Variants in SMARCAD1 observed in about 807,000 individuals in gnomAD.
SMARCAD1 encodes the protein SWI/SNF-related matrix-associated actin-dependent regulator of chromatin subfamily A containing DEAD/H box 1.
Under a neutral mutation model 127.1 loss-of-function variants are expected in SMARCAD1, and 25 were observed. The ratio of observed to expected loss-of-function variants is 0.20; its 90% CI spans 0.14 to 0.27. SMARCAD1 has a LOEUF of 0.27. SMARCAD1 is among the 10% of genes least tolerant of loss of function. SMARCAD1 has a pLI of 1.00. For missense variants in SMARCAD1, 807 were observed against 1,206.0 expected, an observed-to-expected ratio of 0.67 and a Z score of 4.90; for synonymous variants, 400 against 396.9, an observed-to-expected ratio of 1.01 and a Z score of -0.09.
At chr4:94,258,610 G>A (rs1283300506) in intron 9 of SMARCAD1, among the ~76,000 whole-genome samples, 1 of 152,132 alleles carries the variant, frequency 6.6e-6, no homozygotes, top group Non-Finnish European at 1.5e-5. Flanking sequence ...TTCAGTGCAT[G>A]CCACTTTTTT....
At chr4:94,259,183 A>G (rs750940841) in intron 9 of SMARCAD1, among the ~76,000 whole-genome samples, 17 of 152,222 alleles carry the variant, frequency 1.1e-4, no homozygotes, top group Non-Finnish European at 2.2e-4. Flanking sequence ...TAGAAGGGTC[A>G]ATATGATGGT....
rs547107106 is a variant in SMARCAD1 at position 94,255,643 on chromosome 4, C to T, written c.1281+2636C>T. Among the ~76,000 whole-genome samples, 6 of 151,814 alleles carry T rather than the reference C, an allele frequency of 4.0e-5. No homozygotes were observed. The South Asian group carries it at 1.0e-3, about 26-fold the overall frequency. On this transcript the variant is annotated intron_variant, in intron 9 of 23. Coordinates refer to ENST00000354268, the MANE Select transcript of SMARCAD1 (RefSeq NM_020159.5). ...ATTTCAGTAAGTTTAGAGGTTACTA[C>T]CTTTCTATACTACTATGACTTATTT... is the stretch of plus-strand genomic sequence containing the variant.
chr4:94,234,031 A>G lies in SMARCAD1; in HGVS notation c.446A>G (p.Glu149Gly). 6.2e-7 allele frequency: 1 copy of G among 1,613,802 alleles called. No individual in the cohort carries two copies. The highest frequency in any genetic ancestry group is 8.5e-7 in the Non-Finnish European group (1 of 1,179,830). The change falls in exon 4 of 24, where the codon GAA becomes GGA. Residue 149 changes from glutamate to glycine, a missense_variant. By Grantham distance (98) the Glu-to-Gly change is moderately conservative. Around this residue, in one of 8 missense-constraint regions of SMARCAD1, gnomAD observed 48 missense variants for 90.8 expected, o/e 0.53. Coordinates refer to ENST00000354268, the MANE Select transcript of SMARCAD1 (RefSeq NM_020159.5). The stretch of plus-strand genomic sequence containing the variant: ...AGAAATGATGATATTTCAGAACTGG[A>G]AGACCTTTCGGAATTGGAAGACCTT... ...ARRNDDISEL[E>G]DLSELEDLKD... is the part of the protein sequence containing the mutation.
intron 2 of SMARCAD1, among the ~76,000 whole-genome samples, chr4:94,218,535 C>T (rs1400724547): frequency 6.6e-6 from 1 of 151,300 alleles, no homozygotes; most frequent in African/African-American, 2.4e-5. Flanking sequence ...TCAAGTGATC[C>T]ACCTGCCTTG....
chr4:94,236,350 C>T (rs1029805062), intron 4 of SMARCAD1, among the ~76,000 whole-genome samples: 1 of 151,956 alleles, frequency 6.6e-6, no homozygotes, highest in Admixed American at 6.6e-5. Flanking sequence ...AGTATAAAAA[C>T]AGTATATTAG....
In SMARCAD1 at chr4:94,208,349, G is replaced by A. The variant is rs1418676433; in HGVS notation, c.-46G>A. ...TCTCTTTATTTTTCCCCTGCAGATA[G>A]TTCATTTAAAGCCCCCATCCCTGCA... On this transcript the variant is annotated 5_prime_UTR_variant, in exon 2 of 24. The change abolishes the stop of an existing upstream ORF in the 5' untranslated region. Transcript: ENST00000354268. The A allele has an allele frequency of 1.3e-6, 2 of 1,587,020 alleles. No individual in the cohort carries two copies. The highest frequency in any genetic ancestry group is 1.3e-5 in the African/African-American group (1 of 74,210).
chr4:94,242,639 T>C (rs1390174948), intron 6 of SMARCAD1, among the ~76,000 whole-genome samples: 1 of 151,700 alleles, frequency 6.6e-6, no homozygotes, highest in African/African-American at 2.4e-5. Flanking sequence ...TGCATTAGCT[T>C]ATGCCTATAA....
chr4:94,268,879 T>G (rs1752124617), intron 10 of SMARCAD1, among the ~76,000 whole-genome samples: 1 of 152,218 alleles, frequency 6.6e-6, no homozygotes, highest in Non-Finnish European at 1.5e-5. Context: ...ACCGTTATAG[T>G]AGAAATAATT....
intron 22 of SMARCAD1, among the ~76,000 whole-genome samples, chr4:94,284,051 G>T (rs1459484726): frequency 6.6e-6 from 1 of 151,948 alleles, no homozygotes; most frequent in Non-Finnish European, 1.5e-5. Context: ...GCCGGGCACG[G>T]TGGCTCACAC....
chr4:94,226,316 T>C lies in SMARCAD1; in HGVS notation c.368+20T>C, dbSNP rs1225827041. The C allele has an allele frequency of 7.5e-6, 12 of 1,593,486 alleles. No homozygotes were observed. Among genetic ancestry groups the C allele is most frequent in the East Asian group, 2.2e-5 (1 of 44,610 alleles). On this transcript the variant is annotated intron_variant, in intron 3 of 23. Coordinates refer to ENST00000354268, the MANE Select transcript of SMARCAD1 (RefSeq NM_020159.5). The stretch of plus-strand genomic sequence containing the variant: ...TATAGTGTAAGCTGATTAATAGATA[T>C]ATTGTATTTGCATGTGTGTGAGATT...
At chr4:94,226,822 A>G (rs2125836595) in intron 3 of SMARCAD1, among the ~76,000 whole-genome samples, 1 of 152,140 alleles carries the variant, frequency 6.6e-6, no homozygotes, top group East Asian at 1.9e-4. Flanking sequence ...TGTTATGGGC[A>G]AAGGGAAGAG....
At chr4:94,283,082 CT>C (rs1470753952) in intron 21 of SMARCAD1, 38 bp from the exon 22 acceptor site, 2 of 1,545,570 alleles carry the variant, frequency 1.3e-6, no homozygotes, top group Non-Finnish European at 8.9e-7. Context: ...CATTATACAA[CT>C]TTTTAGTGAG....
intron 3 of SMARCAD1, among the ~76,000 whole-genome samples, chr4:94,227,647 G>A (rs749381261): frequency 2.6e-5 from 4 of 152,166 alleles, no homozygotes; most frequent in South Asian, 4.1e-4. Context: ...TGAGATAAAG[G>A]TGACTGTTTC....
At chr4:94,264,619 C>A in intron 9 of SMARCAD1, 88 bp from the exon 10 acceptor site, 1 of 1,176,352 alleles carries the variant, frequency 8.5e-7, no homozygotes, top group Non-Finnish European at 1.2e-6. Context: ...TTTAAATTAG[C>A]AAACTTGTTT....
chr4:94,253,021 C>G lies in SMARCAD1; in HGVS notation c.1281+14C>G. 6.2e-7 allele frequency: 1 copy of G among 1,608,858 alleles called. No individual in the cohort carries two copies. On this transcript the variant is annotated intron_variant, in intron 9 of 23. Coordinates refer to ENST00000354268, the MANE Select transcript of SMARCAD1 (RefSeq NM_020159.5). ...TGGGAGGCTCTGGTAAGGCTTTATT[C>G]TTTTTTTCCCCTTGTATGTGTGTGT...
intron 2 of SMARCAD1, among the ~76,000 whole-genome samples, chr4:94,215,174 G>A (rs1483397034): frequency 4.6e-5 from 7 of 152,142 alleles, no homozygotes; most frequent in South Asian, 2.1e-4. Context: ...GTGAGCCATC[G>A]TTAAACCTGT....
intron 2 of SMARCAD1, among the ~76,000 whole-genome samples, chr4:94,215,132 T>G (rs916546538): frequency 2.0e-5 from 3 of 152,206 alleles, no homozygotes; most frequent in African/African-American, 7.2e-5. Context: ...TGCGCAATAC[T>G]CAGTCTTTTT....
chr4:94,212,608 T>C (rs923540026), intron 2 of SMARCAD1, among the ~76,000 whole-genome samples: 2 of 152,118 alleles, frequency 1.3e-5, no homozygotes, highest in Non-Finnish European at 2.9e-5. Context: ...TGCCTCAGCC[T>C]CCCAAGTAGC....
In SMARCAD1 at chr4:94,226,155, G is replaced by A. The variant is rs1480602421; in HGVS notation, c.227G>A (p.Arg76Lys). ...SSVPETPDNERKASISYFKNQ... is the reference protein window; with the variant it reads ...SSVPETPDNEKKASISYFKNQ... ...GTTCCAGAAACTCCAGATAATGAAA[G>A]AAAAGCAAGTATATCATATTTCAAA... is the stretch of plus-strand genomic sequence containing the variant. Residue 76 changes from arginine to lysine, a missense_variant, in exon 3 of 24, where the codon AGA becomes AAA. Physicochemically the swap from Arg to Lys is conservative, Grantham distance 26. This residue lies in a region of SMARCAD1 where 175 missense variants were observed against 169.5 expected (regional missense o/e 1.03). Coordinates refer to ENST00000354268, the MANE Select transcript of SMARCAD1 (RefSeq NM_020159.5). 1.2e-6 allele frequency: 2 copies of A among 1,611,328 alleles called. No homozygotes were observed. The highest frequency in any genetic ancestry group is 2.7e-5 in the African/African-American group (2 of 74,836).
Sources: allele counts gnomAD v4.1 joint callset (sites outside exome capture counted in the v4.1 genomes callset), GRCh38; gene constraint gnomAD v4.1.1; regional missense constraint gnomAD v4.1.1; transcripts MANE v1.5; gene names NCBI Gene and HGNC (gene_info 2026-07-23, HGNC 2026-07-21).